SCML2: variants seen among roughly 807,000 people sequenced by gnomAD.
SCML2 encodes the protein sex comb on midleg-like protein 2.
Under a neutral mutation model 48.4 loss-of-function variants are expected in SCML2, and 6 were observed. The observed-to-expected ratio is 0.12, with a 90% CI of 0.07 to 0.24. The LOEUF is 0.24. SCML2 is among the 10% of genes least tolerant of loss of function. The probability of loss-of-function intolerance (pLI) is 1.00; values close to 1 mark genes in which losing one functional copy is unlikely to be tolerated. For synonymous variants in SCML2, 181 were observed against 189.5 expected (o/e 0.95, Z 0.37); for missense variants, 377 against 528.2 (o/e 0.71, Z 2.81).
intron 8 of SCML2, among the ~76,000 whole-genome samples, chrX:18,261,508 G>A (rs761309927): frequency 3.0e-4 from 33 of 109,673 alleles, no homozygotes; most frequent in Non-Finnish European, 6.0e-4. Context: ...ATGACAACTT[G>A]TATCCAAATA....
intron 5 of SCML2, among the ~76,000 whole-genome samples, chrX:18,321,234 G>A (rs967636743): frequency 9.0e-6 from 1 of 111,342 alleles, no homozygotes; most frequent in Non-Finnish European, 1.9e-5. Context: ...TTTAGAATTT[G>A]TATCAGATGC....
At chrX:18,272,934 T>C (rs1420573377) in intron 7 of SCML2, among the ~76,000 whole-genome samples, 3 of 112,010 alleles carry the variant, frequency 2.7e-5, no homozygotes, top group Non-Finnish European at 5.6e-5. Flanking sequence ...TTATTACGAT[T>C]TTCTCATTTT....
chrX:18,344,117 T>A (rs1290548343), intron 1 of SCML2, among the ~76,000 whole-genome samples: 1 of 110,065 alleles, frequency 9.1e-6, no homozygotes, highest in Non-Finnish European at 1.9e-5. Flanking sequence ...GAGGATCGCT[T>A]GAGCCCAGAA....
chrX:18,279,253 T>C (rs1223331406), intron 7 of SCML2, among the ~76,000 whole-genome samples: 1 of 112,530 alleles, frequency 8.9e-6, no homozygotes, highest in African/African-American at 3.2e-5. Flanking sequence ...CAGCACAAAC[T>C]ACAAAACGAA....
In SCML2 at chrX:18,239,691, A is replaced by G. The variant is rs756340328; in HGVS notation, c.*1560T>C. 7.1e-5 allele frequency: 8 copies of G among 112,757 alleles called. No individual in the cohort carries two copies. In the South Asian group the frequency reaches 3.0e-3, roughly 42 times the overall value. The allele number at this position is 112,757 out of a possible 1,213,427, so 9.3% of individuals were successfully genotyped here. A position where few individuals can be genotyped will look rare whatever the true frequency, so the allele number is the denominator to read the frequency against. On this transcript the variant is annotated 3_prime_UTR_variant, in exon 15 of 15. Coordinates refer to ENST00000251900, the MANE Select transcript of SCML2 (RefSeq NM_006089.3). ...AAACATATAGCACCATTTCCTCTTC[A>G]AAGTTCTAACTTATAAAATAAAGCC...
chrX:18,354,121 G>T (rs1930462347), intron 1 of SCML2, among the ~76,000 whole-genome samples: 1 of 112,541 alleles, frequency 8.9e-6, no homozygotes, highest in Non-Finnish European at 1.9e-5. Flanking sequence ...CGCCACAGGC[G>T]CATCCTTCCG....
chrX:18,320,593 T>C (rs1467002882), intron 5 of SCML2, among the ~76,000 whole-genome samples, 173 bp from the exon 6 acceptor site: 1 of 111,498 alleles, frequency 9.0e-6, no homozygotes, highest in Non-Finnish European at 1.9e-5. Context: ...ATTGCTAGTG[T>C]CCCCACTGTA....
At chrX:18,286,455 T>C (rs1257207841) in intron 7 of SCML2, among the ~76,000 whole-genome samples, 1 of 111,739 alleles carries the variant, frequency 8.9e-6, no homozygotes, top group Non-Finnish European at 1.9e-5. Context: ...TGCAACTCAG[T>C]CTCCAGCAAT....
chrX:18,255,093 T>A (rs1302508234), intron 11 of SCML2, among the ~76,000 whole-genome samples: 1 of 110,797 alleles, frequency 9.0e-6, no homozygotes, highest in Non-Finnish European at 1.9e-5. Flanking sequence ...TTGGATGACC[T>A]CCTACCTCTC....
intron 8 of SCML2, among the ~76,000 whole-genome samples, chrX:18,262,043 A>AT (rs1022825104): frequency 6.5e-5 from 7 of 108,466 alleles, no homozygotes; most frequent in Non-Finnish European, 1.3e-4. Context: ...TCACAATGTT[A>AT]TTTTTTTTCC....
At chrX:18,342,313 C>T (rs1162074096) in intron 1 of SCML2, among the ~76,000 whole-genome samples, 1 of 109,448 alleles carries the variant, frequency 9.1e-6, no homozygotes, top group Non-Finnish European at 1.9e-5. Context: ...AGGAGCAATT[C>T]CACTGTGTGA....
chrX:18,271,330 C>T (rs1927451547), intron 7 of SCML2, among the ~76,000 whole-genome samples: 1 of 110,536 alleles, frequency 9.0e-6, no homozygotes, highest in African/African-American at 3.3e-5. Flanking sequence ...AGAGTGTTTG[C>T]CTCCTAAGCT....
chrX:18,354,791 C>T (rs1463964816), upstream of SCML2: 4 of 148,345 alleles, frequency 2.7e-5, no homozygotes, highest in East Asian at 1.9e-4. Flanking sequence ...TTGACCGCCG[C>T]CGCGTGCGGG....
At chrX:18,334,227 A>T in intron 1 of SCML2, 132 bp from the exon 2 acceptor site, 1 of 419,020 alleles carries the variant, frequency 2.4e-6, no homozygotes, top group Non-Finnish European at 4.1e-6. Flanking sequence ...GTATATGCCT[A>T]GTTGCCTGGG....
chrX:18,259,309 C>T (rs1926975186), intron 9 of SCML2, among the ~76,000 whole-genome samples: 1 of 109,757 alleles, frequency 9.1e-6, no homozygotes, highest in South Asian at 3.9e-4. Flanking sequence ...CACATCACTA[C>T]CAAAAATAAA....
chrX:18,292,487 T>TA (rs1301295283), intron 7 of SCML2, among the ~76,000 whole-genome samples: 2 of 111,333 alleles, frequency 1.8e-5, no homozygotes, highest in South Asian at 3.8e-4. Context: ...TTTATAGAGA[T>TA]ATTTTACATG....
intron 1 of SCML2, chrX:18,341,122 G>C: frequency 5.1e-6 from 1 of 195,538 alleles, no homozygotes; most frequent in Non-Finnish European, 1.0e-5. Flanking sequence ...GGAGTGCCAT[G>C]GTGAGAGGCA....
intron 7 of SCML2, among the ~76,000 whole-genome samples, chrX:18,284,660 C>A (rs1425348255): frequency 1.8e-5 from 2 of 112,428 alleles, no homozygotes; most frequent in Non-Finnish European, 3.8e-5. Context: ...TGCTCATCAT[C>A]ACTAATTATC....
chrX:18,352,840 A>G (rs1291251479), intron 1 of SCML2, among the ~76,000 whole-genome samples: 1 of 112,129 alleles, frequency 8.9e-6, no homozygotes, highest in Admixed American at 9.6e-5. Context: ...CAGTAGAGTT[A>G]CAGTAATCTT....
Sources: allele counts gnomAD v4.1 joint callset (sites outside exome capture counted in the v4.1 genomes callset), GRCh38; gene constraint gnomAD v4.1.1; transcripts MANE v1.5; gene names NCBI Gene and HGNC (gene_info 2026-07-23, HGNC 2026-07-21).